The following ZNF567 variants were observed in gnomAD, a reference collection of about 807,000 sequenced individuals.
ZNF567 encodes zinc finger protein 567.
A neutral mutation model predicts 53.9 loss-of-function variants in ZNF567; 36 were observed. That is an observed-to-expected ratio of 0.67 (90% confidence interval 0.51 to 0.88). The LOEUF is 0.88. Ranked by LOEUF, ZNF567 falls within the 40% of genes least tolerant of loss-of-function variation. The pLI is 0.00. For synonymous variants in ZNF567, 224 were observed against 260.4 expected, an observed-to-expected ratio of 0.86 and a Z score of 1.35; for missense variants, 619 against 764.7, an observed-to-expected ratio of 0.81 and a Z score of 2.25.
downstream of ZNF567, among the ~76,000 whole-genome samples, chr19:36,725,525 G>A (rs1018538822): frequency 2.6e-5 from 4 of 152,100 alleles, no homozygotes; most frequent in African/African-American, 9.7e-5. Context: ...TTCGCAAGTT[G>A]GGTACAATGT....
At chr19:36,688,833 G>A (rs2038420099) in intron 1 of ZNF567, among the ~76,000 whole-genome samples, 1 of 150,406 alleles carries the variant, frequency 6.6e-6, no homozygotes, top group African/African-American at 2.5e-5. Flanking sequence ...TTGGGCCCAT[G>A]CGCGGTGGCT....
At chr19:36,725,836 A>G (rs142259421), downstream of ZNF567, among the ~76,000 whole-genome samples, 2 of 152,260 alleles carry the variant, frequency 1.3e-5, no homozygotes, top group East Asian at 1.9e-4. Context: ...TTTTACAGAG[A>G]TGGTATCACC....
the ZNF567 span, among the ~76,000 whole-genome samples, chr19:36,671,777 GAAGTTACC>G: frequency 6.6e-6 from 1 of 152,166 alleles, no homozygotes; most frequent in Non-Finnish European, 1.5e-5. Flanking sequence ...CATGGGCCAC[GAAGTTACC>G]ATGCAACCTG....
chr19:36,683,701 T>C (rs3108556), upstream of ZNF567, among the ~76,000 whole-genome samples: 30,429 of 151,900 alleles, frequency 0.2, 3,151 homozygotes, highest in Middle Eastern at 0.25. Flanking sequence ...CGTGGTGACA[T>C]GCGCCTTGTA....
the ZNF567 span, among the ~76,000 whole-genome samples, chr19:36,673,163 TG>T: frequency 6.6e-6 from 1 of 152,206 alleles, no homozygotes; most frequent in Non-Finnish European, 1.5e-5. Context: ...CATCCTCTTC[TG>T]GGGAAGTGTT....
Position 36,720,421 on chromosome 19 carries a change from G to C in ZNF567, c.1697G>C (p.Cys566Ser), listed in dbSNP as rs1436135629. 3.1e-6 allele frequency: 5 copies of C among 1,614,106 alleles called. No individual in the cohort carries two copies. The highest frequency in any genetic ancestry group is 4.2e-6 in the Non-Finnish European group (5 of 1,180,014). Residue 566 changes from cysteine to serine, a missense_variant, in exon 6 of 6, where the codon TGT (cysteine) becomes TCT (serine). Transcript: ENST00000682579. Reference protein sequence around the residue: ...TGQKSYECPQCGKAFSRKSYL... With the variant: ...TGQKSYECPQSGKAFSRKSYL... ...CAGAAATCCTATGAATGTCCTCAGTGTGGGAAAGCCTTTAGCAGGAAGTCA... is the reference window on the plus strand; with the variant it reads ...CAGAAATCCTATGAATGTCCTCAGTCTGGGAAAGCCTTTAGCAGGAAGTCA...
chr19:36,667,981 C>G, the ZNF567 span: 1 of 152,122 alleles, frequency 6.6e-6, no homozygotes. Flanking sequence ...GCCCTGTTGC[C>G]CAGGCTGACT....
chr19:36,681,266 G>A, the ZNF567 span, among the ~76,000 whole-genome samples: 3 of 151,846 alleles, frequency 2.0e-5, no homozygotes, highest in African/African-American at 7.2e-5. Flanking sequence ...CAAAGCACTG[G>A]GATTACAGGT....
intron 3 of ZNF567, among the ~76,000 whole-genome samples, chr19:36,706,789 A>C (rs1276386964): frequency 6.8e-6 from 1 of 147,814 alleles, no homozygotes; most frequent in African/African-American, 2.5e-5. Flanking sequence ...CTGAGTAGCT[A>C]GGACTGCAGG....
At chr19:36,712,747 C>A in intron 4 of ZNF567, 34 bp from the exon 5 acceptor site, 1 of 1,590,212 alleles carries the variant, frequency 6.3e-7, no homozygotes. Flanking sequence ...GGTATTATAG[C>A]CCAATCAACT....
chr19:36,692,888 A>T (rs1367374077), intron 2 of ZNF567, among the ~76,000 whole-genome samples: 1 of 152,188 alleles, frequency 6.6e-6, no homozygotes, highest in East Asian at 1.9e-4. Flanking sequence ...GTCGTTGGGC[A>T]TGGATTCTGT....
the ZNF567 span, among the ~76,000 whole-genome samples, chr19:36,676,462 C>T: frequency 6.6e-6 from 1 of 151,936 alleles, no homozygotes; most frequent in Non-Finnish European, 1.5e-5. Flanking sequence ...CAAAGCTGAA[C>T]CATGCCAGAG....
intron 3 of ZNF567, among the ~76,000 whole-genome samples, chr19:36,697,295 A>G (rs932464401): frequency 4.6e-5 from 7 of 152,064 alleles, no homozygotes; most frequent in African/African-American, 1.4e-4. Flanking sequence ...TATTGCTAGT[A>G]TGTGAAAATG....
downstream of ZNF567, among the ~76,000 whole-genome samples, chr19:36,725,502 C>T (rs1316405394): frequency 6.6e-6 from 1 of 152,180 alleles, no homozygotes; most frequent in Admixed American, 6.6e-5. Context: ...TGCACCCGGC[C>T]TTGTCTTTAA....
intron 3 of ZNF567, among the ~76,000 whole-genome samples, chr19:36,700,791 C>T (rs942218476): frequency 1.2e-4 from 19 of 152,146 alleles, no homozygotes; most frequent in South Asian, 6.2e-4. Context: ...TCTTTTATTG[C>T]GTCTATTTGA....
chr19:36,668,417 C>T, the ZNF567 span: 1 of 152,364 alleles, frequency 6.6e-6, no homozygotes, highest in African/African-American at 2.4e-5. Context: ...GGAGCGCAGC[C>T]ACGTGCACAG....
intron 1 of ZNF567, among the ~76,000 whole-genome samples, chr19:36,688,444 A>C (rs2038384214): frequency 1.3e-5 from 2 of 152,178 alleles, no homozygotes; most frequent in Admixed American, 1.3e-4. Flanking sequence ...TAATTAGACA[A>C]GTAAAATAAG....
chr19:36,696,880 C>G (rs571218924), intron 3 of ZNF567, among the ~76,000 whole-genome samples: 1 of 152,172 alleles, frequency 6.6e-6, no homozygotes, highest in Non-Finnish European at 1.5e-5. Flanking sequence ...CCATTAAGTA[C>G]GTTCACAAGT....
chr19:36,721,818 C>T (rs2040307623), downstream of ZNF567, among the ~76,000 whole-genome samples: 1 of 147,192 alleles, frequency 6.8e-6, no homozygotes, highest in Non-Finnish European at 1.5e-5. Context: ...GATCTCGGCT[C>T]ACTGCAACCT....
Sources: allele counts gnomAD v4.1 joint callset (sites outside exome capture counted in the v4.1 genomes callset), GRCh38; gene constraint gnomAD v4.1.1; transcripts MANE v1.5; gene names NCBI Gene and HGNC (gene_info 2026-07-23, HGNC 2026-07-21).